The following ASIC2 variants were observed in gnomAD, a reference collection of about 807,000 sequenced individuals.
The protein encoded by ASIC2 is acid-sensing ion channel 2.
ASIC2 carries 25 observed loss-of-function variants against 57.3 expected under a neutral mutation model. That is an observed-to-expected ratio of 0.44 (90% CI 0.32 to 0.61). ASIC2 has a LOEUF of 0.61. Ranked by LOEUF, ASIC2 falls within the 20% of genes least tolerant of loss-of-function variation. ASIC2 has a pLI of 0.06. For missense variants in ASIC2, 641 were observed against 738.1 expected, an observed-to-expected ratio of 0.87 and a Z score of 1.52; for synonymous variants, 319 against 307.5, an observed-to-expected ratio of 1.04 and a Z score of -0.39.
chr17:34,106,353 C>T (rs529174937), intron 1 of ASIC2, among the ~76,000 whole-genome samples: 1 of 152,036 alleles, frequency 6.6e-6, no homozygotes, highest in East Asian at 1.9e-4. Context: ...ATCAAAATAC[C>T]CCTCCCTAGA....
intron 1 of ASIC2, among the ~76,000 whole-genome samples, chr17:33,219,127 A>C (rs1799870595): frequency 6.6e-6 from 1 of 152,160 alleles, no homozygotes; most frequent in Non-Finnish European, 1.5e-5. Context: ...CCAGGGCCTG[A>C]TGAAGCTTAG....
chr17:33,597,230 T>C (rs1905008374), intron 1 of ASIC2, among the ~76,000 whole-genome samples: 1 of 152,238 alleles, frequency 6.6e-6, no homozygotes, highest in South Asian at 2.1e-4. Flanking sequence ...CATGGACATC[T>C]CATGAGTCTT....
chr17:33,796,241 A>G (rs1360229065), intron 1 of ASIC2, among the ~76,000 whole-genome samples: 1 of 152,208 alleles, frequency 6.6e-6, no homozygotes, highest in African/African-American at 2.4e-5. Flanking sequence ...TCCCTGGGAA[A>G]CATGGAATAC....
At chr17:33,762,107 C>T (rs570448299) in intron 1 of ASIC2, among the ~76,000 whole-genome samples, 23 of 152,222 alleles carry the variant, frequency 1.5e-4, no homozygotes, top group Admixed American at 5.2e-4. Flanking sequence ...AGCAGGGGCT[C>T]AGACCCAAGC....
chr17:33,574,057 TCTC>T (rs1404721553), intron 1 of ASIC2, among the ~76,000 whole-genome samples: 1 of 152,212 alleles, frequency 6.6e-6, no homozygotes, highest in Admixed American at 6.5e-5. Flanking sequence ...GCCGCTCACT[TCTC>T]CTGCACAGGG....
At chr17:33,167,098 C>T (rs914368872) in intron 1 of ASIC2, among the ~76,000 whole-genome samples, 19 of 152,158 alleles carry the variant, frequency 1.2e-4, no homozygotes, top group South Asian at 2.1e-4. Context: ...ACTGACTGAT[C>T]ATATGTTCCA....
intron 1 of ASIC2, among the ~76,000 whole-genome samples, chr17:34,036,085 C>T (rs1189495340): frequency 4.0e-5 from 6 of 151,888 alleles, no homozygotes; most frequent in Non-Finnish European, 7.4e-5. Context: ...ATGTTTATAT[C>T]GTCAATATTC....
intron 1 of ASIC2, among the ~76,000 whole-genome samples, chr17:34,073,142 A>C (rs763961146): frequency 6.6e-6 from 1 of 152,276 alleles, no homozygotes. Flanking sequence ...CTTTTTCTAT[A>C]AAGAGTCATA....
rs1231669336 is a variant in ASIC2 at position 33,568,381 on chromosome 17, A to G, written c.556-456314T>C. On this transcript the variant is annotated intron_variant, in intron 1 of 9. Transcript: ENST00000359872. Reference sequence around the variant, plus strand: ...TATATCCGCTCATTGGACTTGTGCAACCAACCTCTGAATTGATGAGGCAAG... The same window carrying G: ...TATATCCGCTCATTGGACTTGTGCAGCCAACCTCTGAATTGATGAGGCAAG... Among the ~76,000 whole-genome samples, 8 of 152,236 alleles carry G rather than the reference A, an allele frequency of 5.3e-5. No homozygotes were observed. The East Asian group carries it at 1.2e-3, about 22-fold the overall frequency.
chr17:33,775,976 T>G (rs1322146319), intron 1 of ASIC2, among the ~76,000 whole-genome samples: 1 of 151,950 alleles, frequency 6.6e-6, no homozygotes, highest in Non-Finnish European at 1.5e-5. Flanking sequence ...CTACTAAAAG[T>G]ATAAAAATTA....
rs765988975 is a variant in ASIC2, at chr17:33,014,028, G to C, written c.1629C>G (p.Ile543Met). The stretch of plus-strand genomic sequence containing the variant: ...GCAGGGGCACGTTCACAGTGTGACT[G>C]ATGGTTTCAGAGTGGTTTGGCATTG... ...CDTMPNHSET[I>M]SHTVNVPLQT... The change falls in exon 10 of 10, where the codon ATC (isoleucine) becomes ATG (methionine). Residue 543 changes from isoleucine (I) to methionine (M), a missense_variant. Around this residue, in one of 3 missense-constraint regions of ASIC2, gnomAD observed 252 missense variants for 319.8 expected, o/e 0.79. Transcript: ENST00000225823. 92 of 1,604,900 alleles carry C rather than the reference G, an allele frequency of 5.7e-5. No homozygotes were observed. Among genetic ancestry groups the C allele is most frequent in the Middle Eastern group, 3.3e-4 (2 of 6,084 alleles).
intron 1 of ASIC2, among the ~76,000 whole-genome samples, chr17:33,282,584 C>A (rs1475507846): frequency 6.6e-6 from 1 of 152,058 alleles, no homozygotes; most frequent in East Asian, 1.9e-4. Context: ...AGGTGATTCT[C>A]CTGCCTCAGC....
chr17:33,379,812 G>C (rs1909414675), intron 1 of ASIC2, among the ~76,000 whole-genome samples: 2 of 152,176 alleles, frequency 1.3e-5, no homozygotes, highest in Non-Finnish European at 2.9e-5. Context: ...GTGAAGATGG[G>C]TGTTAAAGAG....
At chr17:33,707,217 A>G (rs1908890115) in intron 1 of ASIC2, among the ~76,000 whole-genome samples, 1 of 152,120 alleles carries the variant, frequency 6.6e-6, no homozygotes, top group Admixed American at 6.5e-5. Flanking sequence ...ATTTTATAAT[A>G]TTTTATTCAT....
In ASIC2 at chr17:34,156,534, G is replaced by C; in HGVS notation, c.-2C>G. 2 of 1,584,172 alleles carry C rather than the reference G, an allele frequency of 1.3e-6. No individual in the cohort carries two copies. Among genetic ancestry groups the C allele is most frequent in the Non-Finnish European group, 8.6e-7 (1 of 1,161,452 alleles). Reference sequence around the variant, plus strand: ...ACTGGGGCTTTCCTTGAGGTCCATCGGGACCCCGTGCAGTTCCGCAACTGG... The same window carrying C: ...ACTGGGGCTTTCCTTGAGGTCCATCCGGACCCCGTGCAGTTCCGCAACTGG... On this transcript the variant is annotated 5_prime_UTR_variant, in exon 1 of 10. Coordinates refer to the ASIC2 transcript ENST00000359872. This position sits in a 1 kb window ranked among gnomAD's most constrained non-coding sequence, Gnocchi z 4.4.
intron 1 of ASIC2, among the ~76,000 whole-genome samples, chr17:33,143,130 C>T (rs1597600759): frequency 6.6e-6 from 1 of 152,306 alleles, no homozygotes; most frequent in East Asian, 1.9e-4. Context: ...TGATGCTAGT[C>T]AATAATTGAG....
chr17:34,104,667 C>T (rs1441643279), intron 1 of ASIC2, among the ~76,000 whole-genome samples: 2 of 152,156 alleles, frequency 1.3e-5, no homozygotes, highest in East Asian at 3.9e-4. Flanking sequence ...GAATTACTGT[C>T]ATTAATGAGT....
At chr17:33,390,554 A>T (rs139613365) in intron 1 of ASIC2, among the ~76,000 whole-genome samples, 1 of 152,304 alleles carries the variant, frequency 6.6e-6, no homozygotes, top group East Asian at 1.9e-4. Flanking sequence ...CTCTGCCTCA[A>T]GGTCTCTCAC....
chr17:33,495,080 G>A (rs1913884358), intron 1 of ASIC2, among the ~76,000 whole-genome samples: 1 of 152,198 alleles, frequency 6.6e-6, no homozygotes, highest in Non-Finnish European at 1.5e-5. Flanking sequence ...CATAAAGCTG[G>A]AATGAGAGGG....
Sources: gnomAD v4.1 joint callset for allele counts (sites outside exome capture counted in the v4.1 genomes callset) on GRCh38, gnomAD v4.1.1 for gene constraint, gnomAD v4.1.1 regional missense constraint, Gnocchi (gnomAD v3.1) non-coding constraint, MANE v1.5 for transcripts, NCBI Gene and HGNC (gene_info 2026-07-23, HGNC 2026-07-21) for gene names.